The following BLVRA variants were observed in gnomAD, a reference collection of about 807,000 sequenced individuals.
The protein encoded by BLVRA is biliverdin reductase A.
A neutral mutation model predicts 32.8 loss-of-function variants in BLVRA; 22 were observed. The observed-to-expected ratio is 0.67, with a 90% CI of 0.48 to 0.96. BLVRA has a LOEUF of 0.96. Among genes scored for constraint, BLVRA ranks in the 40% least tolerant of loss-of-function variants. The probability of loss-of-function intolerance (pLI) is 0.00; values close to 1 mark genes in which losing one functional copy is unlikely to be tolerated. For synonymous variants in BLVRA, 119 were observed against 141.3 expected (o/e 0.84, Z 1.12); for missense variants, 323 against 358.1 (o/e 0.90, Z 0.79).
intron 6 of BLVRA, 84 bp downstream of exon 6, chr7:43,800,656 A>ACATTACAAACAATAAATAGC: frequency 8.0e-7 from 1 of 1,245,134 alleles, no homozygotes; most frequent in Non-Finnish European, 1.2e-6. Context: ...ATGGGAGCTT[A>ACATTACAAACAATAAATAGC]TATTCATTTC....
chr7:43,806,375 G>A (rs900913309), intron 7 of BLVRA, among the ~76,000 whole-genome samples: 8 of 152,144 alleles, frequency 5.3e-5, no homozygotes, highest in African/African-American at 1.7e-4. Context: ...TTTTTATTCA[G>A]TGCCAAAATA....
chr7:43,781,895 A>T (rs1248496339), intron 2 of BLVRA, among the ~76,000 whole-genome samples: 1 of 152,080 alleles, frequency 6.6e-6, no homozygotes, highest in East Asian at 1.9e-4. Context: ...GATGTTTTTG[A>T]CCCATGAATG....
intron 1 of BLVRA, among the ~76,000 whole-genome samples, chr7:43,764,863 C>G (rs1436857249): frequency 6.6e-6 from 1 of 152,024 alleles, no homozygotes; most frequent in East Asian, 1.9e-4. Flanking sequence ...GCCCCCTCTT[C>G]TATTTCAAGG....
intron 3 of BLVRA, among the ~76,000 whole-genome samples, chr7:43,788,508 A>G (rs1297874005): frequency 6.6e-6 from 1 of 152,234 alleles, no homozygotes; most frequent in African/African-American, 2.4e-5. Context: ...ACACAGCTGG[A>G]AAGTCTAAGA....
intron 7 of BLVRA, among the ~76,000 whole-genome samples, chr7:43,805,275 T>A (rs963653734): frequency 1.8e-4 from 21 of 115,462 alleles, no homozygotes; most frequent in Non-Finnish European, 3.2e-4. Context: ...AGGCTGACTC[T>A]CTCTCTCTTT....
intron 1 of BLVRA, among the ~76,000 whole-genome samples, chr7:43,761,453 T>A (rs2095742176): frequency 6.6e-6 from 1 of 152,242 alleles, no homozygotes; most frequent in Non-Finnish European, 1.5e-5. Flanking sequence ...CCCTTATAGG[T>A]CATTGCAGGC....
intron 7 of BLVRA, among the ~76,000 whole-genome samples, chr7:43,804,872 G>A (rs2095802474): frequency 6.6e-6 from 1 of 152,198 alleles, no homozygotes; most frequent in Non-Finnish European, 1.5e-5. Flanking sequence ...CAGACACTGG[G>A]TATTTTAAAA....
chr7:43,776,937 C>A lies in BLVRA; in HGVS notation c.12+5767C>A, dbSNP rs531464963. Among the ~76,000 whole-genome samples the A allele has an allele frequency of 1.4e-3, 211 of 152,234 alleles. 2 individuals are homozygous for A. The highest frequency in any genetic ancestry group is 2.5e-3 in the Non-Finnish European group (167 of 68,022). On this transcript the variant is annotated intron_variant, in intron 2 of 7. Transcript: ENST00000265523. ...CTTTTGATCTTTGTTGGTTTAAATT[C>A]TGTTTTATCAGAGACTAGGATTGCA...
At position 43,766,679 on chromosome 7, in the gene BLVRA, A is replaced by ACGGTGCAT. The variant is rs59151585; in HGVS notation, c.-21-4457_-21-4450dup. On this transcript the variant is annotated intron_variant, in intron 1 of 7. Transcript: ENST00000265523. ...TGGCCTGGGATTGCTGCCTCTCCTGACGGTGCATCTTATCGTAAGGGGGAG... is the reference window on the plus strand; with the variant it reads ...TGGCCTGGGATTGCTGCCTCTCCTGACGGTGCATCGGTGCATCTTATCGTAAGGGGGAG... 4.2e-3 allele frequency among the ~76,000 whole-genome samples: 641 copies of ACGGTGCAT among 152,294 alleles called. 6 individuals carry two copies. Among genetic ancestry groups the ACGGTGCAT allele is most frequent in the African/African-American group, 0.015 (609 of 41,556 alleles).
At chr7:43,791,616 G>A (rs1329377354) in intron 4 of BLVRA, 3 of 478,002 alleles carry the variant, frequency 6.3e-6, no homozygotes, top group Non-Finnish European at 7.6e-6. Flanking sequence ...GAAACATTCA[G>A]AATTAAAGTG....
intron 5 of BLVRA, 189 bp from the exon 6 acceptor site, chr7:43,800,274 GTT>G: frequency 1.7e-6 from 1 of 599,026 alleles, no homozygotes; most frequent in African/African-American, 1.8e-5. Flanking sequence ...ATTCATTTCT[GTT>G]GTAAGCTTAG....
Position 43,775,254 on chromosome 7 carries a change from C to T in BLVRA, c.12+4084C>T, listed in dbSNP as rs1394172341. Among the ~76,000 whole-genome samples the T allele has an allele frequency of 7.9e-5, 12 of 152,178 alleles. No individual in the cohort carries two copies. In the East Asian group the frequency reaches 1.2e-3, roughly 15 times the overall value. Reference sequence around the variant, plus strand: ...GGAATGCTTCCAGTTTTTGCCCATTCGTTATGATATTGGCTGTGGGTTTGT... The same window carrying T: ...GGAATGCTTCCAGTTTTTGCCCATTTGTTATGATATTGGCTGTGGGTTTGT... On this transcript the variant is annotated intron_variant, in intron 2 of 7. Coordinates refer to ENST00000265523, the MANE Select transcript of BLVRA (RefSeq NM_000712.4).
intron 3 of BLVRA, among the ~76,000 whole-genome samples, chr7:43,789,860 G>A (rs1026917418): frequency 7.0e-6 from 1 of 142,974 alleles, no homozygotes; most frequent in Admixed American, 7.3e-5. Flanking sequence ...TGGTAGTCTT[G>A]TGGTAGTGGT....
At chr7:43,789,299 G>C (rs1488337255) in intron 3 of BLVRA, among the ~76,000 whole-genome samples, 1 of 152,192 alleles carries the variant, frequency 6.6e-6, no homozygotes, top group African/African-American at 2.4e-5. Context: ...AGTCTATGTA[G>C]AAATTTTTTC....
At chr7:43,780,963 A>G (rs185252557) in intron 2 of BLVRA, among the ~76,000 whole-genome samples, 2 of 152,352 alleles carry the variant, frequency 1.3e-5, no homozygotes, top group South Asian at 2.1e-4. Flanking sequence ...CCTGGCCAAC[A>G]TGGCGAAACC....
rs777769417 is a variant in BLVRA at position 43,792,785 on chromosome 7, G to A, written c.325G>A (p.Glu109Lys). The A allele has an allele frequency of 8.7e-6, 14 of 1,614,052 alleles. No homozygotes were observed. Among genetic ancestry groups the A allele is most frequent in the Non-Finnish European group, 1.1e-5 (13 of 1,180,022 alleles). The stretch of plus-strand genomic sequence containing the variant: ...GACACTGTCATTGGCGGCCGCTCAG[G>A]AACTGTGGGAGCTGGCTGAGCAGAA... ...PMTLSLAAAQ[E>K]LWELAEQKGK... The change falls in exon 5 of 8, where the codon GAA (glutamate) becomes AAA (lysine). Residue 109 changes from glutamate to lysine, a missense_variant. Transcript: ENST00000265523.
chr7:43,772,706 C>T (rs1431760885), intron 2 of BLVRA, among the ~76,000 whole-genome samples: 2 of 152,204 alleles, frequency 1.3e-5, no homozygotes, highest in African/African-American at 4.8e-5. Context: ...ACCTTCTTCA[C>T]AAGGTGGCAA....
chr7:43,786,501 C>T (rs903735994), intron 2 of BLVRA, among the ~76,000 whole-genome samples: 6 of 152,126 alleles, frequency 3.9e-5, no homozygotes, highest in Non-Finnish European at 7.4e-5. Context: ...AGGAAGGATA[C>T]GAAGACCTGA....
intron 6 of BLVRA, 109 bp from the exon 7 acceptor site, chr7:43,803,567 G>A: frequency 8.0e-7 from 1 of 1,257,640 alleles, no homozygotes; most frequent in Non-Finnish European, 1.2e-6. Context: ...CCATTGTACT[G>A]ATCACTCGGC....
Sources: gnomAD v4.1 joint callset for allele counts (sites outside exome capture counted in the v4.1 genomes callset) on GRCh38, gnomAD v4.1.1 for gene constraint, MANE v1.5 for transcripts, NCBI Gene and HGNC (gene_info 2026-07-23, HGNC 2026-07-21) for gene names.